Variants in ESR2 observed in about 807,000 individuals in gnomAD.
ESR2 encodes the protein estrogen receptor 2.
A neutral mutation model predicts 49.6 loss-of-function variants in ESR2; 36 were observed. The observed-to-expected ratio is 0.73, with a 90% confidence interval of 0.56 to 0.96. The LOEUF (loss-of-function observed/expected upper bound fraction) is 0.96. Among genes scored for constraint, ESR2 ranks in the 40% least tolerant of loss-of-function variants. The probability of loss-of-function intolerance (pLI) is 0.00; values close to 1 mark genes in which losing one functional copy is unlikely to be tolerated. For missense variants in ESR2, 714 were observed against 693.0 expected, an observed-to-expected ratio of 1.03 and a Z score of -0.34; for synonymous variants, 320 against 266.1, an observed-to-expected ratio of 1.20 and a Z score of -1.97.
At chr14:64,251,336 C>T (rs1418915359) in intron 6 of ESR2, among the ~76,000 whole-genome samples, 1 of 150,882 alleles carries the variant, frequency 6.6e-6, no homozygotes, top group Admixed American at 6.6e-5. Context: ...AAAAACCCAC[C>T]AACTCCTGCA....
In ESR2 at chr14:64,259,751, T is replaced by G. The variant is rs1231594766; in HGVS notation, c.952+698A>C. On this transcript the variant is annotated intron_variant, in intron 5 of 8. Coordinates refer to ENST00000341099, the MANE Select transcript of ESR2 (RefSeq NM_001437.3). ...ATTCGTGTAACTTCAACCACTGATT[T>G]ACTCTGTTTGTCCATACATATTCAT... Among the ~76,000 whole-genome samples, 4 of 152,324 alleles carry G rather than the reference T, an allele frequency of 2.6e-5. No individual in the cohort carries two copies. In the East Asian group the frequency reaches 5.8e-4, roughly 22 times the overall value.
At chr14:64,279,568 T>C (rs1191082448) in intron 3 of ESR2, among the ~76,000 whole-genome samples, 1 of 152,222 alleles carries the variant, frequency 6.6e-6, no homozygotes, top group Non-Finnish European at 1.5e-5. Context: ...CCAAAAAATG[T>C]GTTTATTCTT....
chr14:64,289,954 A>G (rs1462942813), intron 1 of ESR2, among the ~76,000 whole-genome samples: 1 of 152,266 alleles, frequency 6.6e-6, no homozygotes, highest in Admixed American at 6.5e-5. Flanking sequence ...GTCCTGCAGA[A>G]GTAAAAAATT....
At chr14:64,250,723 G>A (rs887707662) in intron 6 of ESR2, among the ~76,000 whole-genome samples, 2 of 152,012 alleles carry the variant, frequency 1.3e-5, no homozygotes, top group African/African-American at 4.8e-5. Flanking sequence ...CTCCTTCCCC[G>A]AACTCAGGGC....
chr14:64,227,687 T>G, downstream of ESR2: 2 of 1,605,714 alleles, frequency 1.2e-6, no homozygotes, highest in Non-Finnish European at 1.7e-6. Flanking sequence ...AGCTTAATAT[T>G]GTGCATGTCA....
At chr14:64,279,346 C>G (rs1334620388) in intron 3 of ESR2, among the ~76,000 whole-genome samples, 3 of 151,928 alleles carry the variant, frequency 2.0e-5, no homozygotes, top group Non-Finnish European at 4.4e-5. Context: ...TAAATCTCTT[C>G]AAATATTTTA....
chr14:64,286,033 T>A (rs1258711356), intron 1 of ESR2, among the ~76,000 whole-genome samples: 1 of 152,010 alleles, frequency 6.6e-6, no homozygotes, highest in Non-Finnish European at 1.5e-5. Context: ...GGCATGGTAG[T>A]ATGCTGAGAA....
chr14:64,241,921 C>G (rs1596375576), intron 7 of ESR2, among the ~76,000 whole-genome samples: 1 of 152,314 alleles, frequency 6.6e-6, no homozygotes, highest in East Asian at 1.9e-4. Flanking sequence ...GTAGAACTTA[C>G]AGTAAAATGT....
chr14:64,272,118 T>C (rs966653587), intron 3 of ESR2, among the ~76,000 whole-genome samples: 1 of 152,246 alleles, frequency 6.6e-6, no homozygotes, highest in Non-Finnish European at 1.5e-5. Context: ...TGGTATCTCA[T>C]TGTAGTTTTG....
At chr14:64,305,307 A>AT (rs1423705626) in intron 1 of ESR2, among the ~76,000 whole-genome samples, 1 of 151,160 alleles carries the variant, frequency 6.6e-6, no homozygotes, top group African/African-American at 2.4e-5. Flanking sequence ...AAAAAAAAAA[A>AT]ATTAATTAAT....
downstream of ESR2, chr14:64,227,464 T>A: frequency 6.5e-7 from 1 of 1,532,362 alleles, no homozygotes; most frequent in Non-Finnish European, 9.0e-7. Flanking sequence ...ATTACAATGA[T>A]CCCAGAGGGA....
Position 64,282,961 on chromosome 14 carries a change from T to C in ESR2, c.25A>G (p.Ser9Gly), listed in dbSNP as rs1157046373. Residue 9 changes from serine (S) to glycine (G), a missense_variant, in exon 2 of 9, where the codon AGC becomes GGC. Ser to Gly is a moderately conservative substitution (Grantham distance 56). Transcript: ENST00000341099. ...TTGTAGGAGGAAGGAGAATTAAGGC[T>C]AGATGGTGAGTTTTTTATATCCATG... is the stretch of plus-strand genomic sequence containing the variant. MDIKNSPS[S>G]LNSPSSYNCS... 1.9e-6 allele frequency: 3 copies of C among 1,613,038 alleles called. No individual in the cohort carries two copies. The highest frequency in any genetic ancestry group is 1.7e-6 in the Non-Finnish European group (2 of 1,179,332).
chr14:64,262,890 GAC>G (rs1261057218), intron 4 of ESR2, among the ~76,000 whole-genome samples: 1 of 152,146 alleles, frequency 6.6e-6, no homozygotes, highest in African/African-American at 2.4e-5. Flanking sequence ...CAGCCTGGGT[GAC>G]ACAGCGAGAC....
At chr14:64,309,885 G>C (rs1013143528) in intron 1 of ESR2, among the ~76,000 whole-genome samples, 3 of 152,054 alleles carry the variant, frequency 2.0e-5, no homozygotes, top group African/African-American at 7.2e-5. Context: ...AGGAGATCGA[G>C]ACCATCCTGG....
chr14:64,326,726 A>G (rs1257069600), intron 1 of ESR2, among the ~76,000 whole-genome samples: 1 of 152,180 alleles, frequency 6.6e-6, no homozygotes, highest in Non-Finnish European at 1.5e-5. Context: ...ATTGCCCCAT[A>G]CCAGAAATAT....
chr14:64,302,378 G>A (rs1329342373), intron 1 of ESR2, among the ~76,000 whole-genome samples: 1 of 151,454 alleles, frequency 6.6e-6, no homozygotes, highest in Non-Finnish European at 1.5e-5. Context: ...TAGTAGAGAT[G>A]GAATTTCACC....
At chr14:64,305,272 C>T (rs547050181) in intron 1 of ESR2, among the ~76,000 whole-genome samples, 75 of 124,194 alleles carry the variant, frequency 6.0e-4, no homozygotes, top group Non-Finnish European at 1.0e-3. Context: ...GCCTGGGCGA[C>T]AGAGCGAGAC....
At chr14:64,315,837 TAGAG>T (rs923367915) in intron 1 of ESR2, among the ~76,000 whole-genome samples, 1 of 151,750 alleles carries the variant, frequency 6.6e-6, no homozygotes, top group Non-Finnish European at 1.5e-5. Flanking sequence ...GTATTTTTAG[TAGAG>T]AGAGTGTTTC....
chr14:64,289,299 G>C (rs541855471), intron 1 of ESR2, among the ~76,000 whole-genome samples: 7 of 152,176 alleles, frequency 4.6e-5, no homozygotes, highest in Admixed American at 2.0e-4. Context: ...GATCACCTGA[G>C]GTCGGGAGTT....
Sources: allele counts gnomAD v4.1 joint callset (sites outside exome capture counted in the v4.1 genomes callset), GRCh38; gene constraint gnomAD v4.1.1; transcripts MANE v1.5; gene names NCBI Gene and HGNC (gene_info 2026-07-23, HGNC 2026-07-21).